KHDRBS3: variants seen among roughly 807,000 people sequenced by gnomAD.
The protein encoded by KHDRBS3 is KH RNA binding domain containing, signal transduction associated 3.
KHDRBS3 carries 23 observed loss-of-function variants against 45.6 expected under a neutral mutation model. The ratio of observed to expected loss-of-function variants is 0.50; its 90% confidence interval spans 0.36 to 0.72. KHDRBS3 has a LOEUF of 0.72. Ranked by LOEUF, KHDRBS3 falls within the 30% of genes least tolerant of loss-of-function variation. KHDRBS3 has a pLI of 0.00. For missense variants in KHDRBS3, 352 were observed against 424.8 expected (o/e 0.83, Z 1.51); for synonymous variants, 162 against 156.5 (o/e 1.04, Z -0.26).
chr8:135,598,795 CAAATT>C (rs1212252052), intron 6 of KHDRBS3, among the ~76,000 whole-genome samples: 1 of 152,114 alleles, frequency 6.6e-6, no homozygotes, highest in Non-Finnish European at 1.5e-5. Context: ...TTTTTAAACT[CAAATT>C]ATAAGACTAA....
At chr8:135,580,358 T>C (rs1452664058) in intron 5 of KHDRBS3, among the ~76,000 whole-genome samples, 1 of 152,246 alleles carries the variant, frequency 6.6e-6, no homozygotes, top group East Asian at 1.9e-4. Context: ...ACAAAATTCA[T>C]TGAAACCATA....
chr8:135,568,332 T>A (rs1827529765), intron 5 of KHDRBS3, among the ~76,000 whole-genome samples: 1 of 152,098 alleles, frequency 6.6e-6, no homozygotes, highest in Non-Finnish European at 1.5e-5. Context: ...ATATAGAGCT[T>A]TTTCAAAAAA....
At chr8:135,585,194 AC>A in intron 6 of KHDRBS3, among the ~76,000 whole-genome samples, 1 of 133,414 alleles carries the variant, frequency 7.5e-6, no homozygotes, top group Admixed American at 9.1e-5. Context: ...GCCCCACTGC[AC>A]CCCAGCCTGG....
intron 1 of KHDRBS3, among the ~76,000 whole-genome samples, chr8:135,494,039 TTAA>T (rs1823289153): frequency 6.6e-6 from 1 of 152,146 alleles, no homozygotes; most frequent in Admixed American, 6.5e-5. Context: ...TGCATAACTG[TTAA>T]TAATATTCTC....
intron 1 of KHDRBS3, among the ~76,000 whole-genome samples, chr8:135,476,165 A>G (rs981991188): frequency 4.0e-5 from 6 of 151,776 alleles, no homozygotes; most frequent in Non-Finnish European, 8.8e-5. Context: ...TTTTTTTGAG[A>G]TGGAGTCTTG....
At chr8:135,475,179 G>A (rs1822209874) in intron 1 of KHDRBS3, among the ~76,000 whole-genome samples, 1 of 152,150 alleles carries the variant, frequency 6.6e-6, no homozygotes, top group Admixed American at 6.5e-5. Flanking sequence ...CCTTTGACAT[G>A]CGACTTAACA....
In KHDRBS3 at chr8:135,630,898, A is replaced by G. The variant is rs530864719; in HGVS notation, c.891-14161A>G. On this transcript the variant is annotated intron_variant, in intron 7 of 8. Coordinates refer to ENST00000355849, the MANE Select transcript of KHDRBS3 (RefSeq NM_006558.3). ...GACTATGAAGGCCTGGGACGTTACTATGCACTATTGTAGACTTCATAGACA... is the reference window on the plus strand; with the variant it reads ...GACTATGAAGGCCTGGGACGTTACTGTGCACTATTGTAGACTTCATAGACA... 4.6e-5 allele frequency among the ~76,000 whole-genome samples: 7 copies of G among 152,308 alleles called. No individual in the cohort carries two copies. The South Asian group carries it at 1.2e-3, about 27-fold the overall frequency.
intron 7 of KHDRBS3, among the ~76,000 whole-genome samples, chr8:135,636,692 C>T (rs574625765): frequency 6.6e-6 from 1 of 152,308 alleles, no homozygotes; most frequent in African/African-American, 2.4e-5. Flanking sequence ...TTCCCGTCAA[C>T]TGAATCGTCC....
chr8:135,589,279 C>T (rs1828629538), intron 6 of KHDRBS3, among the ~76,000 whole-genome samples: 1 of 152,136 alleles, frequency 6.6e-6, no homozygotes, highest in South Asian at 2.1e-4. Flanking sequence ...AGTGTACTTT[C>T]TAATATCTAA....
At chr8:135,516,570 TTG>T (rs56155377) in intron 1 of KHDRBS3, among the ~76,000 whole-genome samples, 207 of 149,060 alleles carry the variant, frequency 1.4e-3, no homozygotes, top group South Asian at 3.4e-3. Context: ...GTTTCTTACA[TTG>T]TGTGTGTGTG....
At chr8:135,527,661 C>T (rs1357691576) in intron 2 of KHDRBS3, among the ~76,000 whole-genome samples, 2 of 152,106 alleles carry the variant, frequency 1.3e-5, no homozygotes, top group African/African-American at 4.8e-5. Context: ...TGAAAGAATG[C>T]TTAGGGACCA....
At chr8:135,599,802 C>T (rs898838892) in intron 6 of KHDRBS3, among the ~76,000 whole-genome samples, 3 of 152,214 alleles carry the variant, frequency 2.0e-5, no homozygotes, top group Non-Finnish European at 4.4e-5. Flanking sequence ...CTTGTTGGCT[C>T]ACCAAAAAGG....
At chr8:135,510,583 C>A (rs751464158) in intron 1 of KHDRBS3, among the ~76,000 whole-genome samples, 2 of 152,270 alleles carry the variant, frequency 1.3e-5, no homozygotes, top group East Asian at 3.9e-4. Context: ...TATAGGCACA[C>A]GCCACCATGC....
intron 1 of KHDRBS3, among the ~76,000 whole-genome samples, chr8:135,483,565 G>A (rs1255357413): frequency 5.9e-5 from 9 of 152,170 alleles, no homozygotes; most frequent in Admixed American, 5.9e-4. Flanking sequence ...CGTACTCTGA[G>A]TTTGCATTAT....
intron 1 of KHDRBS3, among the ~76,000 whole-genome samples, chr8:135,514,155 T>C (rs1425112481): frequency 6.6e-6 from 1 of 152,140 alleles, no homozygotes; most frequent in African/African-American, 2.4e-5. Context: ...GAGAATAAAG[T>C]GAAGGGATAA....
At chr8:135,572,799 T>C (rs1827767705) in intron 5 of KHDRBS3, among the ~76,000 whole-genome samples, 1 of 152,262 alleles carries the variant, frequency 6.6e-6, no homozygotes, top group African/African-American at 2.4e-5. Context: ...TCATCAGCTC[T>C]GACAGTTTCT....
At chr8:135,564,834 AG>A (rs1563772065) in intron 5 of KHDRBS3, among the ~76,000 whole-genome samples, 1 of 152,098 alleles carries the variant, frequency 6.6e-6, no homozygotes, top group African/African-American at 2.4e-5. Flanking sequence ...TTTGTTCATT[AG>A]CAGGATCTTT....
At chr8:135,506,392 T>G in intron 1 of KHDRBS3, among the ~76,000 whole-genome samples, 1 of 151,810 alleles carries the variant, frequency 6.6e-6, no homozygotes, top group Non-Finnish European at 1.5e-5. Context: ...TCCTTCCTTC[T>G]GTAACATTCC....
At chr8:135,524,923 G>T (rs1274918995) in intron 2 of KHDRBS3, among the ~76,000 whole-genome samples, 1 of 152,018 alleles carries the variant, frequency 6.6e-6, no homozygotes, top group Non-Finnish European at 1.5e-5. Context: ...CATTGCAAGT[G>T]TTATTTTCCT....
Sources: allele counts gnomAD v4.1 joint callset (sites outside exome capture counted in the v4.1 genomes callset), GRCh38; gene constraint gnomAD v4.1.1; transcripts MANE v1.5; gene names NCBI Gene and HGNC (gene_info 2026-07-23, HGNC 2026-07-21).